The following CAPN8 variants were observed in gnomAD, a reference collection of about 807,000 sequenced individuals.
CAPN8 encodes the protein calpain-8.
CAPN8 carries 87 observed loss-of-function variants against 80.9 expected under a neutral mutation model. That is an observed-to-expected ratio of 1.07 (90% CI 0.90 to 1.28). The LOEUF (loss-of-function observed/expected upper bound fraction) is 1.28. Among genes scored for constraint, CAPN8 ranks in the 50% most tolerant of loss-of-function variants. The probability of loss-of-function intolerance (pLI) is 0.00; values close to 1 mark genes in which losing one functional copy is unlikely to be tolerated. For missense variants in CAPN8, 757 were observed against 702.0 expected (o/e 1.08, Z -0.89); for synonymous variants, 299 against 273.8 (o/e 1.09, Z -0.91).
At position 223,616,098 on chromosome 1, in the gene CAPN8, C is replaced by A. The variant is rs954677210; in HGVS notation, c.1183G>T (p.Asp395Tyr). The A allele has an allele frequency of 1.3e-6, 2 of 1,551,812 alleles. No individual in the cohort carries two copies. Among genetic ancestry groups the A allele is most frequent in the Non-Finnish European group, 1.7e-6 (2 of 1,147,018 alleles). ...PQFKIRLDEV[D>Y]EDQEESIGEP... ...CCGATGCTCTCCTCCTGGTCCTCAT[C>A]CACTTCATCCAAACGGATTTTGAAC... Residue 395 changes from aspartate to tyrosine, a missense_variant, in exon 10 of 21, where the codon GAT becomes TAT. Physicochemically the swap from Asp to Tyr is radical, Grantham distance 160 (BLOSUM62 -3). Transcript: ENST00000366872.
intron 16 of CAPN8, among the ~76,000 whole-genome samples, chr1:223,546,153 C>T (rs991736957): frequency 2.1e-4 from 32 of 151,904 alleles, no homozygotes; most frequent in African/African-American, 7.5e-4. Context: ...GTTTTGAATG[C>T]ACTTATGCTC....
chr1:223,645,185 G>T (rs1658155152), intron 2 of CAPN8, among the ~76,000 whole-genome samples: 1 of 152,162 alleles, frequency 6.6e-6, no homozygotes, highest in Admixed American at 6.5e-5. Context: ...GAAGCATCCA[G>T]CGCAGAAGAA....
At chr1:223,645,722 G>A (rs980948751) in intron 2 of CAPN8, among the ~76,000 whole-genome samples, 1 of 152,188 alleles carries the variant, frequency 6.6e-6, no homozygotes, top group Non-Finnish European at 1.5e-5. Context: ...CAGAGCATCA[G>A]GGACCAAGGT....
intron 1 of CAPN8, among the ~76,000 whole-genome samples, chr1:223,654,629 C>T (rs1658429459): frequency 6.6e-6 from 1 of 152,124 alleles, no homozygotes; most frequent in African/African-American, 2.4e-5. Flanking sequence ...TCCAGAGCCC[C>T]TGCCAGGACT....
At chr1:223,651,400 G>T (rs1009757950) in intron 2 of CAPN8, among the ~76,000 whole-genome samples, 2 of 152,172 alleles carry the variant, frequency 1.3e-5, no homozygotes, top group Non-Finnish European at 2.9e-5. Flanking sequence ...GAAACAATTG[G>T]ATCCTTGGCA....
chr1:223,624,365 A>G (rs760464741), intron 6 of CAPN8, among the ~76,000 whole-genome samples: 36 of 152,148 alleles, frequency 2.4e-4, no homozygotes, highest in Non-Finnish European at 4.9e-4. Flanking sequence ...GCGTGGATTG[A>G]TGTATTTTAC....
intron 2 of CAPN8, among the ~76,000 whole-genome samples, chr1:223,654,047 G>T (rs534833682): frequency 1.3e-5 from 2 of 152,192 alleles, no homozygotes; most frequent in African/African-American, 4.8e-5. Flanking sequence ...TCTACTCTAC[G>T]CCTGTAATCC....
At chr1:223,557,642 C>T (rs36192769) in intron 13 of CAPN8, among the ~76,000 whole-genome samples, 29,090 of 152,214 alleles carry the variant, frequency 0.19, 2,885 homozygotes, top group Middle Eastern at 0.26. Flanking sequence ...CAGAACTCAC[C>T]TCCTCCATGG....
chr1:223,659,965 C>T (rs892169749), intron 1 of CAPN8, among the ~76,000 whole-genome samples: 2 of 152,130 alleles, frequency 1.3e-5, no homozygotes, highest in African/African-American at 4.8e-5. Flanking sequence ...GCCAAAGCTC[C>T]ACAAAGACTC....
chr1:223,611,365 C>G (rs1462420072), intron 11 of CAPN8, among the ~76,000 whole-genome samples: 1 of 152,166 alleles, frequency 6.6e-6, no homozygotes, highest in Non-Finnish European at 1.5e-5. Flanking sequence ...AGTTACTGCC[C>G]CTTTCCATGG....
At chr1:223,616,416 TG>T (rs1657190800) in intron 9 of CAPN8, among the ~76,000 whole-genome samples, 1 of 152,210 alleles carries the variant, frequency 6.6e-6, no homozygotes, top group Admixed American at 6.5e-5. Context: ...AGTGCTTGAC[TG>T]GGAATATTCA....
intron 2 of CAPN8, among the ~76,000 whole-genome samples, chr1:223,639,647 G>A (rs1280624799): frequency 6.6e-6 from 1 of 152,266 alleles, no homozygotes; most frequent in Non-Finnish European, 1.5e-5. Flanking sequence ...CGCTGCTGCA[G>A]TGGAGCTCTC....
At position 223,627,087 on chromosome 1, in the gene CAPN8, T is replaced by C; in HGVS notation, c.631A>G (p.Ile211Val). 1.9e-6 allele frequency: 3 copies of C among 1,552,262 alleles called. No homozygotes were observed. The highest frequency in any genetic ancestry group is 1.7e-6 in the Non-Finnish European group (2 of 1,147,110). Residue 211 changes from isoleucine (I) to valine (V), a missense_variant, in exon 5 of 21, where the codon ATC (isoleucine) becomes GTC (valine). Transcript: ENST00000366872. ...TTCTTCAGGTCATAAAACTCAGAGA[T>C]GCCACCTGTGAAATCCTCAAACCCC... ...VEGFEDFTGG[I>V]SEFYDLKKPP...
At chr1:223,620,767 AATGATC>A (rs1657363420) in intron 7 of CAPN8, among the ~76,000 whole-genome samples, 1 of 152,104 alleles carries the variant, frequency 6.6e-6, no homozygotes, top group Non-Finnish European at 1.5e-5. Flanking sequence ...CACCCACGAG[AATGATC>A]ATCCAGCCCA....
chr1:223,625,169 A>C (rs1343222595), intron 6 of CAPN8, among the ~76,000 whole-genome samples: 2 of 152,204 alleles, frequency 1.3e-5, no homozygotes, highest in East Asian at 3.9e-4. Flanking sequence ...GAGAGTGAGG[A>C]ATACTTACAT....
chr1:223,659,243 C>T (rs921712239), intron 1 of CAPN8, among the ~76,000 whole-genome samples: 1 of 152,172 alleles, frequency 6.6e-6, no homozygotes, highest in Non-Finnish European at 1.5e-5. Flanking sequence ...TCTCCTAGAG[C>T]GTTAACCATG....
rs185399572 is a variant in CAPN8, at chr1:223,664,618, C to T, written c.237+792G>A. 3.2e-3 allele frequency among the ~76,000 whole-genome samples: 492 copies of T among 152,336 alleles called. 1 individual carries two copies. Among genetic ancestry groups the T allele is most frequent in the Non-Finnish European group, 5.9e-3 (404 of 68,040 alleles). ...CCTAGTTCCAAAGCTCATCCATGCT[C>T]TTCTCTCTATACCTCACCATCTCTG... On this transcript the variant is annotated intron_variant, in intron 1 of 20. Transcript: ENST00000366872.
Position 223,620,210 on chromosome 1 carries a change from A to G in CAPN8, c.956T>C (p.Val319Ala). The G allele has an allele frequency of 6.4e-7, 1 of 1,551,542 alleles. No individual in the cohort carries two copies. The highest frequency in any genetic ancestry group is 1.4e-5 in the African/African-American group (1 of 73,116). The stretch of plus-strand genomic sequence containing the variant: ...CTCTCACCAGAATTCTCCATCCTCA[A>G]CTTTCTTGTCCAGTTCTTCCTTCCG... ...PRRKEELDKKVEDGEFWMSLS... is the reference protein window; with the variant it reads ...PRRKEELDKKAEDGEFWMSLS... The change falls in exon 8 of 21, where the codon GTT becomes GCT. Residue 319 changes from valine to alanine, a missense_variant. Coordinates refer to ENST00000366872, the MANE Select transcript of CAPN8 (RefSeq NM_001143962.2).
chr1:223,640,474 C>T (rs899276232), intron 2 of CAPN8, among the ~76,000 whole-genome samples: 5 of 152,268 alleles, frequency 3.3e-5, no homozygotes, highest in Non-Finnish European at 7.4e-5. Flanking sequence ...CTCAGGACTG[C>T]TATCTCACTC....
Sources: allele counts gnomAD v4.1 joint callset (sites outside exome capture counted in the v4.1 genomes callset), GRCh38; gene constraint gnomAD v4.1.1; transcripts MANE v1.5; gene names NCBI Gene and HGNC (gene_info 2026-07-23, HGNC 2026-07-21).